The following SYNE1 variants were observed in gnomAD, a reference collection of about 807,000 sequenced individuals.
The protein encoded by SYNE1 is nesprin-1.
SYNE1 carries 616 observed loss-of-function variants against 1,111.0 expected under a neutral mutation model. The observed-to-expected ratio is 0.55, with a 90% CI of 0.52 to 0.59. SYNE1 has a LOEUF of 0.59. Among genes scored for constraint, SYNE1 ranks in the 20% least tolerant of loss-of-function variants. The pLI, the probability that SYNE1 is intolerant of heterozygous loss-of-function variation, is 0.00. For missense variants in SYNE1, 10,006 were observed against 10,417.0 expected, an observed-to-expected ratio of 0.96 and a Z score of 1.72; for synonymous variants, 3,855 against 3,825.8, an observed-to-expected ratio of 1.01 and a Z score of -0.28.
chr6:152,139,171 A>C (rs1330707037), intron 140 of SYNE1, among the ~76,000 whole-genome samples: 1 of 152,232 alleles, frequency 6.6e-6, no homozygotes, highest in African/African-American at 2.4e-5. Flanking sequence ...TGGATGCTTC[A>C]TGAAATTTTA....
intron 50 of SYNE1, among the ~76,000 whole-genome samples, chr6:152,395,918 G>A (rs574294193): frequency 6.6e-6 from 1 of 152,264 alleles, no homozygotes; most frequent in Admixed American, 6.5e-5. Context: ...TAGCTGAACT[G>A]ATTTCATAGC....
chr6:152,264,491 T>C (rs2153660043), intron 100 of SYNE1, among the ~76,000 whole-genome samples: 1 of 152,012 alleles, frequency 6.6e-6, no homozygotes, highest in African/African-American at 2.4e-5. Context: ...TCTCTAGAAA[T>C]AAGACTTAAA....
At chr6:152,618,614 A>G (rs2099667525) in intron 3 of SYNE1, among the ~76,000 whole-genome samples, 1 of 152,226 alleles carries the variant, frequency 6.6e-6, no homozygotes, top group Non-Finnish European at 1.5e-5. Flanking sequence ...AAAGATTAAT[A>G]TCAGCAGAGG....
chr6:152,384,183 A>G (rs1341550994), intron 55 of SYNE1, among the ~76,000 whole-genome samples: 1 of 152,226 alleles, frequency 6.6e-6, no homozygotes, highest in Non-Finnish European at 1.5e-5. Context: ...TGAGGACATC[A>G]GGTAACTTGC....
chr6:152,399,319 T>G (rs1245864991), intron 48 of SYNE1, among the ~76,000 whole-genome samples: 2 of 152,144 alleles, frequency 1.3e-5, no homozygotes, highest in African/African-American at 4.8e-5. Context: ...ACTTGAGCAG[T>G]GGAAGTAATT....
chr6:152,621,583 CT>C (rs558037006), intron 3 of SYNE1, among the ~76,000 whole-genome samples: 7,271 of 144,898 alleles, frequency 0.05, 516 homozygotes, highest in African/African-American at 0.17. Flanking sequence ...TAAACCTTTG[CT>C]TTTTTTTTTT....
intron 22 of SYNE1, 60 bp from the exon 23 acceptor site, chr6:152,456,104 A>G (rs986548170): frequency 1.3e-6 from 2 of 1,565,434 alleles, no homozygotes; most frequent in African/African-American, 2.7e-5. Flanking sequence ...GAGAGAAAGA[A>G]AGAGAGTGAC....
Position 152,404,326 on chromosome 6 carries a change from G to A in SYNE1, c.6724-12C>T, listed in dbSNP as rs1461914218. 6.3e-7 allele frequency: 1 copy of A among 1,590,002 alleles called. No homozygotes were observed. Among genetic ancestry groups the A allele is most frequent in the Non-Finnish European group, 8.6e-7 (1 of 1,160,446 alleles). ...TTTTTAACTTCAGACTGCCAAAAGG[G>A]AAGAAACATAACTAATCAAAAACAC... On this transcript the variant is annotated splice_polypyrimidine_tract_variant and intron_variant, in intron 45 of 145. Transcript: ENST00000367255.
chr6:152,196,121 T>C (rs755310343), intron 127 of SYNE1, among the ~76,000 whole-genome samples: 1 of 152,186 alleles, frequency 6.6e-6, no homozygotes, highest in Non-Finnish European at 1.5e-5. Flanking sequence ...CCAAGGGCTC[T>C]TCAACTCAGC....
At chr6:152,510,949 T>C in intron 7 of SYNE1, 62 bp downstream of exon 7, 1 of 1,434,182 alleles carries the variant, frequency 7.0e-7, no homozygotes, top group Non-Finnish European at 9.8e-7. Flanking sequence ...ATTATTAAAA[T>C]GGCCACCATG....
intron 66 of SYNE1, among the ~76,000 whole-genome samples, chr6:152,355,707 G>C (rs1022624361): frequency 6.6e-6 from 1 of 152,082 alleles, no homozygotes; most frequent in African/African-American, 2.4e-5. Flanking sequence ...TATTTCTGGT[G>C]ATAAACATAA....
At position 152,310,420 on chromosome 6, in the gene SYNE1, G is replaced by C. The variant is rs1487107705; in HGVS notation, c.16995C>G (p.Leu5665=). Residue 5665 remains leucine, a synonymous_variant, in exon 89 of 146, where the codon CTC becomes CTG. Coordinates refer to ENST00000367255, the MANE Select transcript of SYNE1 (RefSeq NM_182961.4). ...LTSPEVGRLS[L]KEQLSHRQHL... is the part of the protein sequence containing the mutation. ...CCTGCCGATGAGAGAGCTGCTCCTT[G>C]AGACTGAGACGTCCAACTTCTGGAG... is the stretch of plus-strand genomic sequence containing the variant. The C allele has an allele frequency of 1.2e-6, 2 of 1,614,164 alleles. No individual in the cohort carries two copies. Among genetic ancestry groups the C allele is most frequent in the Non-Finnish European group, 1.7e-6 (2 of 1,180,040 alleles).
chr6:152,511,412 A>T (rs2099084271), intron 6 of SYNE1, among the ~76,000 whole-genome samples: 1 of 152,284 alleles, frequency 6.6e-6, no homozygotes, highest in South Asian at 2.1e-4. Flanking sequence ...AAAAAATGTT[A>T]TTATTTATAT....
chr6:152,424,999 G>A (rs532375063), intron 39 of SYNE1, among the ~76,000 whole-genome samples: 2 of 152,298 alleles, frequency 1.3e-5, no homozygotes, highest in Non-Finnish European at 2.9e-5. Context: ...ATATTAAAAT[G>A]AAATGGACTA....
In SYNE1 at chr6:152,122,670, T is replaced by A; in HGVS notation, c.26160A>T (p.Thr8720=). ...PSVSSPHSRS[T]KGGSDSSLSE... is the part of the protein sequence containing the mutation. ...AAAGGGAGGAATCGGAGCCACCTTT[T>A]GTGGACCTGAGAGAAGAATGGACAT... The change falls in exon 146 of 146, where the codon ACA becomes ACT. Residue 8720 remains threonine, a synonymous_variant. Transcript: ENST00000367255. 1 of 1,613,920 alleles carries A rather than the reference T, an allele frequency of 6.2e-7. No homozygotes were observed. Among genetic ancestry groups the A allele is most frequent in the South Asian group, 1.1e-5 (1 of 91,070 alleles).
intron 101 of SYNE1, among the ~76,000 whole-genome samples, chr6:152,257,402 A>T (rs2091085190): frequency 6.6e-6 from 1 of 152,182 alleles, no homozygotes; most frequent in East Asian, 1.9e-4. Flanking sequence ...GTATGGTGGC[A>T]TACGCCTATA....
At chr6:152,293,864 G>T in intron 94 of SYNE1, 96 bp downstream of exon 94, 1 of 1,607,476 alleles carries the variant, frequency 6.2e-7, no homozygotes, top group South Asian at 1.1e-5. Context: ...CTCAACTGTG[G>T]ACTGGATATG....
intron 49 of SYNE1, among the ~76,000 whole-genome samples, chr6:152,397,262 C>T (rs1480504456): frequency 1.3e-5 from 2 of 152,176 alleles, no homozygotes; most frequent in Admixed American, 6.5e-5. Flanking sequence ...CTCACTGTCC[C>T]AACATGGTCC....
At chr6:152,457,047 T>C (rs1339735065) in intron 22 of SYNE1, among the ~76,000 whole-genome samples, 1 of 152,116 alleles carries the variant, frequency 6.6e-6, no homozygotes, top group Non-Finnish European at 1.5e-5. Context: ...AATGACAACT[T>C]GTACAAATTT....
Sources: gnomAD v4.1 joint callset for allele counts (sites outside exome capture counted in the v4.1 genomes callset) on GRCh38, gnomAD v4.1.1 for gene constraint, MANE v1.5 for transcripts, NCBI Gene and HGNC (gene_info 2026-07-23, HGNC 2026-07-21) for gene names.